The following GNG7 variants were observed in gnomAD, a reference collection of about 807,000 sequenced individuals.
The protein encoded by GNG7 is G protein subunit gamma 7, also known as guanine nucleotide-binding protein G(I)/G(S)/G(O) subunit gamma-7.
Under a neutral mutation model 4.0 loss-of-function variants are expected in GNG7, and 1 was observed. The observed-to-expected ratio is 0.25, with a 90% CI of 0.09 to 1.18. The LOEUF (loss-of-function observed/expected upper bound fraction) is 1.18. GNG7 is among the 50% of genes most tolerant of loss of function. GNG7 has a pLI of 0.50. For missense variants in GNG7, 86 were observed against 91.9 expected, an observed-to-expected ratio of 0.94 and a Z score of 0.26; for synonymous variants, 34 against 36.9, an observed-to-expected ratio of 0.92 and a Z score of 0.29.
intron 2 of GNG7, among the ~76,000 whole-genome samples, chr19:2,560,028 C>T (rs2144768318): frequency 6.6e-6 from 1 of 152,224 alleles, no homozygotes; most frequent in Admixed American, 6.5e-5. Flanking sequence ...TCTCGCTAGA[C>T]AGTAATGAGG....
chr19:2,524,974 T>A (rs1231194575), intron 3 of GNG7, among the ~76,000 whole-genome samples: 1 of 151,682 alleles, frequency 6.6e-6, no homozygotes, highest in Non-Finnish European at 1.5e-5. Flanking sequence ...AGACACAGAT[T>A]GCATCACCCA....
intron 3 of GNG7, among the ~76,000 whole-genome samples, chr19:2,531,506 T>A (rs1157918768): frequency 6.6e-6 from 1 of 152,006 alleles, no homozygotes; most frequent in Non-Finnish European, 1.5e-5. Context: ...AGGCCTCAGA[T>A]TATTTCTACA....
At position 2,661,589 on chromosome 19, in the gene GNG7, C is replaced by T. The variant is rs553182417; in HGVS notation, c.-134-15309G>A. 2.1e-4 allele frequency among the ~76,000 whole-genome samples: 31 copies of T among 148,586 alleles called. No individual in the cohort carries two copies. The South Asian group carries it at 5.7e-3, about 27-fold the overall frequency. On this transcript the variant is annotated intron_variant, in intron 1 of 4. Coordinates refer to ENST00000382159, the MANE Select transcript of GNG7 (RefSeq NM_052847.3). ...TCGGGAGGCTGAGGCAGAAGAATTG[C>T]ATGAATCCAAGAGGCAGAGGTTGCA... is the stretch of plus-strand genomic sequence containing the variant.
chr19:2,584,550 T>C (rs1980589198), intron 2 of GNG7, among the ~76,000 whole-genome samples: 1 of 147,258 alleles, frequency 6.8e-6, no homozygotes, highest in Non-Finnish European at 1.5e-5. Context: ...TGAGGCATGA[T>C]TGCAACACTG....
rs1972682220 is a variant in GNG7 at position 2,513,314 on chromosome 19, G to A, written c.*1708C>T. 1 of 330,964 alleles carries A rather than the reference G, an allele frequency of 3.0e-6. No individual in the cohort carries two copies. Among genetic ancestry groups the A allele is most frequent in the Non-Finnish European group, 4.3e-6 (1 of 231,586 alleles). 20.5% of individuals were successfully genotyped at this position (330,964 alleles called of 1,614,324 possible). A position where few individuals can be genotyped will look rare whatever the true frequency, so the allele number is the denominator to read the frequency against. Reference sequence around the variant, plus strand: ...TGTCTCCACTGGGGCCGGAGGGACAGGACTAGGCTAGTTTTATTCTACTAC... The same window carrying A: ...TGTCTCCACTGGGGCCGGAGGGACAAGACTAGGCTAGTTTTATTCTACTAC... On this transcript the variant is annotated 3_prime_UTR_variant, in exon 5 of 5. Coordinates refer to ENST00000382159, the MANE Select transcript of GNG7 (RefSeq NM_052847.3).
chr19:2,651,034 G>A (rs1982798095), intron 1 of GNG7, among the ~76,000 whole-genome samples: 1 of 152,186 alleles, frequency 6.6e-6, no homozygotes, highest in Non-Finnish European at 1.5e-5. Flanking sequence ...AGGCAGGCAA[G>A]TCTCAGACAC....
intron 1 of GNG7, among the ~76,000 whole-genome samples, chr19:2,650,278 C>T (rs1043094164): frequency 6.6e-6 from 1 of 151,396 alleles, no homozygotes; most frequent in Non-Finnish European, 1.5e-5. Context: ...CTCCACCTCC[C>T]GAGTTCAAGC....
At chr19:2,648,384 C>T (rs746567582) in intron 1 of GNG7, among the ~76,000 whole-genome samples, 3 of 152,060 alleles carry the variant, frequency 2.0e-5, no homozygotes, top group Admixed American at 2.0e-4. Flanking sequence ...CAACAGAGCA[C>T]GGCACTGTCT....
At chr19:2,575,684 G>A (rs1284263856) in intron 2 of GNG7, among the ~76,000 whole-genome samples, 2 of 124,316 alleles carry the variant, frequency 1.6e-5, no homozygotes, top group Admixed American at 1.8e-4. Flanking sequence ...CAGACACGCA[G>A]GCACACGCAG....
chr19:2,662,836 A>G (rs1055419791), intron 1 of GNG7, among the ~76,000 whole-genome samples: 1 of 152,168 alleles, frequency 6.6e-6, no homozygotes, highest in Non-Finnish European at 1.5e-5. Context: ...TAAAGGTTCC[A>G]GCCCTCTCAT....
intron 2 of GNG7, among the ~76,000 whole-genome samples, chr19:2,577,584 C>T (rs531285338): frequency 6.6e-6 from 1 of 151,892 alleles, no homozygotes; most frequent in East Asian, 2.0e-4. Flanking sequence ...GCCTGTAATC[C>T]TAGCACTTTG....
At chr19:2,696,677 G>C (rs544697834) in intron 1 of GNG7, among the ~76,000 whole-genome samples, 109 of 152,344 alleles carry the variant, frequency 7.2e-4, no homozygotes, top group Non-Finnish European at 1.2e-3. Context: ...GATGCACCTT[G>C]AGCATGTCAC....
intron 3 of GNG7, among the ~76,000 whole-genome samples, chr19:2,537,523 T>C (rs574516774): frequency 5.3e-4 from 80 of 152,282 alleles, no homozygotes; most frequent in Non-Finnish European, 1.0e-3. Context: ...GCGTGAGCCA[T>C]GGCACCTGGC....
intron 2 of GNG7, among the ~76,000 whole-genome samples, chr19:2,596,674 C>CG (rs1456076300): frequency 6.7e-6 from 1 of 148,674 alleles, no homozygotes; most frequent in Admixed American, 6.7e-5. Context: ...GTCCCCCCCC[C>CG]AAAAAAAAAA....
In GNG7 at chr19:2,577,920, G is replaced by C. The variant is rs901923101; in HGVS notation, c.-77-22732C>G. On this transcript the variant is annotated intron_variant, in intron 2 of 4. Transcript: ENST00000382159. ...AATGGCGCAATCACAGCTCACTGCA[G>C]CCTCAACCTCCCAGGCTCCAGATCC... Among the ~76,000 whole-genome samples the C allele has an allele frequency of 4.7e-5, 7 of 150,444 alleles. No homozygotes were observed. In the South Asian group the frequency reaches 1.0e-3, roughly 23 times the overall value.
intron 1 of GNG7, among the ~76,000 whole-genome samples, chr19:2,661,304 GAA>G (rs1568277825): frequency 2.3e-5 from 2 of 87,008 alleles, no homozygotes; most frequent in Non-Finnish European, 4.9e-5. Context: ...GAAAGAAAGA[GAA>G]AGAAAGAAAG....
Position 2,535,370 on chromosome 19 carries a change from C to T in GNG7, c.-37-14645G>A, listed in dbSNP as rs951762647. Reference sequence around the variant, plus strand: ...AAAAAACTAGTTGGGTGTGGTGGTGCACACCTGTAGTCCCAGCTACTCAGG... The same window carrying T: ...AAAAAACTAGTTGGGTGTGGTGGTGTACACCTGTAGTCCCAGCTACTCAGG... On this transcript the variant is annotated intron_variant, in intron 3 of 4. Coordinates refer to ENST00000382159, the MANE Select transcript of GNG7 (RefSeq NM_052847.3). Among the ~76,000 whole-genome samples, 3 of 150,802 alleles carry T rather than the reference C, an allele frequency of 2.0e-5. No individual in the cohort carries two copies. The South Asian group carries it at 6.3e-4, about 32-fold the overall frequency.
intron 1 of GNG7, among the ~76,000 whole-genome samples, chr19:2,692,007 C>T (rs189539889): frequency 7.6e-4 from 115 of 152,300 alleles, no homozygotes; most frequent in African/African-American, 2.5e-3. Flanking sequence ...GGAGGCAGTA[C>T]GCCTCCTTCC....
chr19:2,630,331 A>C (rs1410923721), intron 2 of GNG7, among the ~76,000 whole-genome samples: 1 of 152,092 alleles, frequency 6.6e-6, no homozygotes, highest in Non-Finnish European at 1.5e-5. Context: ...ACATGATGAG[A>C]TATCACTCCC....
Sources: allele counts gnomAD v4.1 joint callset (sites outside exome capture counted in the v4.1 genomes callset), GRCh38; gene constraint gnomAD v4.1.1; transcripts MANE v1.5; gene names NCBI Gene and HGNC (gene_info 2026-07-23, HGNC 2026-07-21).